Variants in NUP210 observed in about 807,000 individuals in gnomAD.
NUP210 encodes nuclear pore membrane glycoprotein 210.
Under a neutral mutation model 196.0 loss-of-function variants are expected in NUP210, and 151 were observed. The ratio of observed to expected loss-of-function variants is 0.77; its 90% CI spans 0.67 to 0.88. The LOEUF (loss-of-function observed/expected upper bound fraction) is 0.88, where lower values mean the gene tolerates loss of function less well. NUP210 is among the 40% of genes least tolerant of loss of function. NUP210 has a pLI of 0.00. For missense variants in NUP210, 2,314 were observed against 2,493.7 expected (o/e 0.93, Z 1.53); for synonymous variants, 1,070 against 1,052.7 (o/e 1.02, Z -0.32).
At position 13,319,067 on chromosome 3, in the gene NUP210, C is replaced by A; in HGVS notation, c.5563+5G>T. 6.3e-7 allele frequency: 1 copy of A among 1,598,692 alleles called. No individual in the cohort carries two copies. The highest frequency in any genetic ancestry group is 8.5e-7 in the Non-Finnish European group (1 of 1,174,346). On this transcript the variant is annotated splice_donor_5th_base_variant and intron_variant, in intron 39 of 39. Transcript: ENST00000254508. Reference sequence around the variant, plus strand: ...CCTGGTTGTGCCTGCAGGGGGGCTACTCACAGTGGGGGCTGTGTCCAGGGC... The same window carrying A: ...CCTGGTTGTGCCTGCAGGGGGGCTAATCACAGTGGGGGCTGTGTCCAGGGC...
chr3:13,347,780 C>A lies in NUP210; in HGVS notation c.2835+4099G>T, dbSNP rs1476748334. 7.2e-5 allele frequency among the ~76,000 whole-genome samples: 11 copies of A among 152,220 alleles called. No homozygotes were observed. Among genetic ancestry groups the A allele is most frequent in the Non-Finnish European group, 2.9e-5 (2 of 68,044 alleles). ...GACATCCCTCGGAAACAGTCGCCTG[C>A]AACTGTTTCTGAAGCAACCAGGACT... is the stretch of plus-strand genomic sequence containing the variant. On this transcript the variant is annotated intron_variant, in intron 20 of 39. Transcript: ENST00000254508. This position sits in a 1 kb window ranked among gnomAD's most constrained non-coding sequence, Gnocchi z 4.7.
At chr3:13,397,048 G>A (rs775023528) in intron 3 of NUP210, among the ~76,000 whole-genome samples, 27 of 152,192 alleles carry the variant, frequency 1.8e-4, no homozygotes, top group Non-Finnish European at 3.2e-4. Flanking sequence ...CCAGCACTAT[G>A]CAGGCAGGGT....
At chr3:13,388,216 T>C (rs1265449786) in intron 5 of NUP210, 87 bp downstream of exon 5, 4 of 1,010,474 alleles carry the variant, frequency 4.0e-6, no homozygotes, top group Non-Finnish European at 5.8e-6. Context: ...TCAACGTGCC[T>C]ATAGGTGTGA....
intron 20 of NUP210, among the ~76,000 whole-genome samples, chr3:13,345,689 C>T (rs6442373): frequency 0.89 from 136,084 of 152,260 alleles, 61,085 homozygotes; most frequent in East Asian, 1. Context: ...ATCACACTTA[C>T]ACTACAAAAC....
intron 1 of NUP210, among the ~76,000 whole-genome samples, chr3:13,401,023 C>T (rs1247585882): frequency 6.6e-6 from 1 of 151,870 alleles, no homozygotes; most frequent in Admixed American, 6.6e-5. Context: ...TTTGGGAGGC[C>T]GAGGTGGGCA....
At position 13,317,614 on chromosome 3, in the gene NUP210, G is replaced by T; in HGVS notation, c.*67C>A. 1.7e-6 allele frequency: 2 copies of T among 1,166,772 alleles called. No individual in the cohort carries two copies. Among genetic ancestry groups the T allele is most frequent in the South Asian group, 1.3e-5 (1 of 76,428 alleles). The allele number at this position is 1,166,772 out of a possible 1,614,324, so 72.3% of individuals were successfully genotyped here. ...GGCTTGTTCCAGTGTGAATGCAGCA[G>T]GGATGTTCCATCTTGGGGGTGCACG... On this transcript the variant is annotated 3_prime_UTR_variant, in exon 40 of 40. Coordinates refer to ENST00000254508, the MANE Select transcript of NUP210 (RefSeq NM_024923.4).
In NUP210 at chr3:13,339,877, C is replaced by T. The variant is rs757006380; in HGVS notation, c.3448G>A (p.Gly1150Ser). ...ACCTGAGAGATGATGACCACCTTGC[C>T]GGTCTCTGCATCCACTGCCTGCACG... ...GLVQAVDAET[G>S]KVVIISQDLV... Residue 1150 changes from glycine to serine, a missense_variant, in exon 25 of 40, where the codon GGC becomes AGC. Physicochemically the swap from Gly to Ser is moderately conservative, Grantham distance 56. Transcript: ENST00000254508. 1.7e-5 allele frequency: 27 copies of T among 1,613,584 alleles called. No individual in the cohort carries two copies. Among genetic ancestry groups the T allele is most frequent in the South Asian group, 5.5e-5 (5 of 91,086 alleles).
At chr3:13,400,397 G>A (rs922216289) in intron 1 of NUP210, among the ~76,000 whole-genome samples, 5 of 152,214 alleles carry the variant, frequency 3.3e-5, no homozygotes, top group East Asian at 1.9e-4. Context: ...CCTGCGGAGC[G>A]GATATTATAG....
At chr3:13,406,742 G>T (rs942829877) in intron 1 of NUP210, among the ~76,000 whole-genome samples, 24 of 152,152 alleles carry the variant, frequency 1.6e-4, no homozygotes, top group African/African-American at 4.6e-4. Flanking sequence ...AAGGACACTT[G>T]GTCCTCTTAC....
At position 13,316,462 on chromosome 3, in the gene NUP210, G is replaced by C. The variant is rs1374606736; in HGVS notation, c.*1219C>G. On this transcript the variant is annotated 3_prime_UTR_variant, in exon 40 of 40. Transcript: ENST00000254508. The stretch of plus-strand genomic sequence containing the variant: ...TCCACGCATGGATGGCCATGGGCAT[G>C]AGTCTCTGGATCTCCCTGAGGGTAG... The C allele has an allele frequency of 6.6e-6, 1 of 152,298 alleles. No homozygotes were observed. The highest frequency in any genetic ancestry group is 1.5e-5 in the Non-Finnish European group (1 of 68,076). 9.4% of individuals were successfully genotyped at this position (152,298 alleles called of 1,614,324 possible).
At position 13,347,889 on chromosome 3, in the gene NUP210, CGA is replaced by C. The variant is rs1425998550; in HGVS notation, c.2835+3988_2835+3989del. Among the ~76,000 whole-genome samples, 11 of 152,200 alleles carry C rather than the reference CGA, an allele frequency of 7.2e-5. No homozygotes were observed. The highest frequency in any genetic ancestry group is 2.7e-4 in the African/African-American group (11 of 41,444). ...AGGAACCAGGGCCTGATTGGAGTTGCGAGAGTCTTTGGCACAAGCCTGAAATG... is the reference window on the plus strand; with the variant it reads ...AGGAACCAGGGCCTGATTGGAGTTGCGAGTCTTTGGCACAAGCCTGAAATG... On this transcript the variant is annotated intron_variant, in intron 20 of 39. Transcript: ENST00000254508. The surrounding 1 kb of genome is among the most constrained non-coding windows in gnomAD (Gnocchi z 4.7).
intron 2 of NUP210, among the ~76,000 whole-genome samples, chr3:13,399,091 A>G (rs1278132503): frequency 6.6e-6 from 1 of 151,852 alleles, no homozygotes; most frequent in African/African-American, 2.4e-5. Flanking sequence ...ACTTGGTGAA[A>G]CCCGTCTCTA....
At chr3:13,362,905 G>T (rs1698417212) in intron 14 of NUP210, among the ~76,000 whole-genome samples, 1 of 152,134 alleles carries the variant, frequency 6.6e-6, no homozygotes, top group African/African-American at 2.4e-5. Flanking sequence ...CTGAAGCAGG[G>T]TCTCCCTTCC....
rs1413943200 is a variant in NUP210, at chr3:13,337,839, G to C, written c.3550C>G (p.Gln1184Glu). Reference protein sequence around the residue: ...APIMRMRTGTQMPIYVTGITN... With the variant: ...APIMRMRTGTEMPIYVTGITN... ...CAGAGCCCAGGAGGTCCCCTCACCTGGGTGCCCGTCCTCATCCGCATGATG... is the reference window on the plus strand; with the variant it reads ...CAGAGCCCAGGAGGTCCCCTCACCTCGGTGCCCGTCCTCATCCGCATGATG... The change falls in exon 26 of 40, where the codon CAG becomes GAG. Residue 1184 changes from glutamine (Q) to glutamate (E), a missense_variant and splice_region_variant. Transcript: ENST00000254508. The C allele has an allele frequency of 6.2e-7, 1 of 1,609,694 alleles. No homozygotes were observed. The highest frequency in any genetic ancestry group is 1.3e-5 in the African/African-American group (1 of 74,898).
At chr3:13,417,290 C>T (rs1221310899) in intron 1 of NUP210, among the ~76,000 whole-genome samples, 1 of 152,152 alleles carries the variant, frequency 6.6e-6, no homozygotes, top group African/African-American at 2.4e-5. Context: ...CTCTAAGGTT[C>T]CCCTGGCCCG....
chr3:13,399,700 A>G, intron 2 of NUP210, 25 bp downstream of exon 2: 1 of 1,612,926 alleles, frequency 6.2e-7, no homozygotes, highest in Non-Finnish European at 8.5e-7. Context: ...CCCACCGGGG[A>G]TCACACACAG....
chr3:13,381,679 T>C (rs901435545), intron 6 of NUP210, among the ~76,000 whole-genome samples: 5 of 152,166 alleles, frequency 3.3e-5, no homozygotes, highest in Non-Finnish European at 5.9e-5. Flanking sequence ...CTTTGAATTA[T>C]TGGGCCAACA....
rs777811718 is a variant in NUP210 at position 13,360,374 on chromosome 3, C to T, written c.2050G>A (p.Ala684Thr). ...EPSKFFQNVT[A>T]EDTDSIGLAL... ...AGGCCGATGCTGTCAGTGTCCTCAG[C>T]GGTGACGTTCTGGAAGAATTTGGAC... Residue 684 changes from alanine (A) to threonine (T), a missense_variant, in exon 15 of 40, where the codon GCT becomes ACT. Coordinates refer to ENST00000254508, the MANE Select transcript of NUP210 (RefSeq NM_024923.4). The T allele has an allele frequency of 3.2e-5, 52 of 1,613,976 alleles. No individual in the cohort carries two copies. Among genetic ancestry groups the T allele is most frequent in the African/African-American group, 4.0e-5 (3 of 74,906 alleles).
intron 1 of NUP210, among the ~76,000 whole-genome samples, chr3:13,404,740 G>C (rs1388404345): frequency 6.6e-6 from 1 of 152,192 alleles, no homozygotes; most frequent in Non-Finnish European, 1.5e-5. Flanking sequence ...TTCCAGGATG[G>C]GCCTTAGAAA....
Sources: allele counts gnomAD v4.1 joint callset (sites outside exome capture counted in the v4.1 genomes callset), GRCh38; gene constraint gnomAD v4.1.1; non-coding constraint Gnocchi (gnomAD v3.1); transcripts MANE v1.5; gene names NCBI Gene and HGNC (gene_info 2026-07-23, HGNC 2026-07-21).